ZFPM1: variants seen among roughly 807,000 people sequenced by gnomAD.
ZFPM1 encodes zinc finger protein, FOG family member 1.
Under a neutral mutation model 46.3 loss-of-function variants are expected in ZFPM1, and 28 were observed. The ratio of observed to expected loss-of-function variants is 0.60; its 90% CI spans 0.45 to 0.83. The LOEUF is 0.83. Among genes scored for constraint, ZFPM1 ranks in the 40% least tolerant of loss-of-function variants. The pLI is 0.00. For missense variants in ZFPM1, 1,878 were observed against 1,432.4 expected (o/e 1.31, Z -5.02); for synonymous variants, 957 against 675.9 (o/e 1.42, Z -6.45).
Position 88,533,739 on chromosome 16 carries a change from T to G in ZFPM1, c.1781T>G (p.Val594Gly), listed in dbSNP as rs938803039. The change falls in exon 10 of 10, where the codon GTG (valine) becomes GGG (glycine). Residue 594 changes from valine to glycine, a missense_variant. Val to Gly is a moderately radical substitution (Grantham distance 109, BLOSUM62 -3). Transcript: ENST00000319555. Reference protein sequence around the residue: ...ITFSNVNNYYVHKRLYCSGRR... With the variant: ...ITFSNVNNYYGHKRLYCSGRR... ...TTCAGCAACGTCAACAACTACTACGTGCACAAGCGCCTCTACTGTTCAGGC... is the reference window on the plus strand; with the variant it reads ...TTCAGCAACGTCAACAACTACTACGGGCACAAGCGCCTCTACTGTTCAGGC... 1 of 1,488,070 alleles carries G rather than the reference T, an allele frequency of 6.7e-7. No individual in the cohort carries two copies. Among genetic ancestry groups the G allele is most frequent in the Non-Finnish European group, 9.0e-7 (1 of 1,111,142 alleles). 92.2% of individuals were successfully genotyped at this position (1,488,070 alleles called of 1,614,324 possible). A position where few individuals can be genotyped will look rare whatever the true frequency, so the allele number is the denominator to read the frequency against.
chr16:88,494,894 C>T (rs1453537293), intron 3 of ZFPM1, among the ~76,000 whole-genome samples: 1 of 152,124 alleles, frequency 6.6e-6, no homozygotes, highest in Non-Finnish European at 1.5e-5. Flanking sequence ...AGCCCGGATG[C>T]GAAGGGAAGG....
At chr16:88,501,258 A>G (rs1328864129) in intron 3 of ZFPM1, among the ~76,000 whole-genome samples, 1 of 106,814 alleles carries the variant, frequency 9.4e-6, no homozygotes, top group Non-Finnish European at 1.8e-5. Context: ...GGTACTGGTG[A>G]TGATGGAGAT....
Position 88,533,445 on chromosome 16 carries a change from C to T in ZFPM1, c.1487C>T (p.Ala496Val). The part of the protein sequence containing the change: ...PSRTPSPRSP[A>V]PARVKAELSS... Reference sequence around the variant, plus strand: ...CGGACGCCGTCGCCGCGCAGCCCCGCCCCGGCCAGGGTCAAGGCCGAGCTG... The same window carrying T: ...CGGACGCCGTCGCCGCGCAGCCCCGTCCCGGCCAGGGTCAAGGCCGAGCTG... Residue 496 changes from alanine (A) to valine (V), a missense_variant, in exon 10 of 10, where the codon GCC becomes GTC. Ala to Val is a moderately conservative substitution (Grantham distance 64). Transcript: ENST00000319555. 2 of 1,446,672 alleles carry T rather than the reference C, an allele frequency of 1.4e-6. No homozygotes were observed. The highest frequency in any genetic ancestry group is 2.9e-5 in the East Asian group (1 of 34,352). 89.6% of individuals were successfully genotyped at this position (1,446,672 alleles called of 1,614,324 possible). A position where few individuals can be genotyped will look rare whatever the true frequency, so the allele number is the denominator to read the frequency against.
Position 88,497,127 on chromosome 16 carries a change from C to T in ZFPM1, c.268+7974C>T, listed in dbSNP as rs1909973949. Reference sequence around the variant, plus strand: ...ATCACACAAGTCGTGACTTTTCCATCCCCACTCCATCCTGGGCTCTGATGG... The same window carrying T: ...ATCACACAAGTCGTGACTTTTCCATTCCCACTCCATCCTGGGCTCTGATGG... On this transcript the variant is annotated intron_variant, in intron 3 of 9. Coordinates refer to ENST00000319555, the MANE Select transcript of ZFPM1 (RefSeq NM_153813.3). This position sits in a 1 kb window ranked among gnomAD's most constrained non-coding sequence, Gnocchi z 5.4. Among the ~76,000 whole-genome samples, 1 of 152,236 alleles carries T rather than the reference C, an allele frequency of 6.6e-6. No individual in the cohort carries two copies. The highest frequency in any genetic ancestry group is 6.5e-5 in the Admixed American group (1 of 15,292).
Position 88,535,037 on chromosome 16 carries a change from C to T in ZFPM1, c.*58C>T. 2.2e-6 allele frequency: 3 copies of T among 1,351,804 alleles called. No homozygotes were observed. The highest frequency in any genetic ancestry group is 9.6e-7 in the Non-Finnish European group (1 of 1,044,028). 83.7% of individuals were successfully genotyped at this position (1,351,804 alleles called of 1,614,324 possible). Reference sequence around the variant, plus strand: ...GCCCCGCTGCGATGCGGGGAGGGGGCCGCCCCCAGGCCGCACGGACTGCCG... The same window carrying T: ...GCCCCGCTGCGATGCGGGGAGGGGGTCGCCCCCAGGCCGCACGGACTGCCG... On this transcript the variant is annotated 3_prime_UTR_variant, in exon 10 of 10. Transcript: ENST00000319555.
intron 1 of ZFPM1, among the ~76,000 whole-genome samples, chr16:88,473,575 C>T (rs1908524885): frequency 6.6e-6 from 1 of 151,976 alleles, no homozygotes; most frequent in Non-Finnish European, 1.5e-5. Flanking sequence ...GGGACCCCTG[C>T]TCCCTTCCAG....
chr16:88,526,736 T>C (rs1351441535), intron 4 of ZFPM1, 78 bp from the exon 5 acceptor site: 24 of 1,461,402 alleles, frequency 1.6e-5, no homozygotes, highest in African/African-American at 4.2e-5. Context: ...GTGTCACAGA[T>C]GCCCCACATA....
At chr16:88,488,323 A>G (rs1251414374) in intron 2 of ZFPM1, among the ~76,000 whole-genome samples, 1 of 152,180 alleles carries the variant, frequency 6.6e-6, no homozygotes, top group African/African-American at 2.4e-5. Flanking sequence ...AGGAGCTGGA[A>G]AAAACAGCCA....
At position 88,471,019 on chromosome 16, in the gene ZFPM1, G is replaced by A. The variant is rs1055422665; in HGVS notation, c.41-14920G>A. Among the ~76,000 whole-genome samples the A allele has an allele frequency of 6.6e-6, 1 of 152,162 alleles. No individual in the cohort carries two copies. Among genetic ancestry groups the A allele is most frequent in the Non-Finnish European group, 1.5e-5 (1 of 68,020 alleles). On this transcript the variant is annotated intron_variant, in intron 1 of 9. Transcript: ENST00000319555. This position sits in a 1 kb window ranked among gnomAD's most constrained non-coding sequence, Gnocchi z 4.1. ...CCAGTACCTCACCCGGTGGGGTCCA[G>A]CCTCCGCGACAGGCATTCCCTTCCC...
chr16:88,500,926 G>A (rs941350298), intron 3 of ZFPM1, among the ~76,000 whole-genome samples: 7 of 152,242 alleles, frequency 4.6e-5, no homozygotes, highest in Non-Finnish European at 1.0e-4. Context: ...CAGGTACAGC[G>A]GGCCCTCCCT....
chr16:88,463,406 G>A (rs774297301), intron 1 of ZFPM1, among the ~76,000 whole-genome samples: 10 of 152,218 alleles, frequency 6.6e-5, no homozygotes, highest in Non-Finnish European at 1.0e-4. Flanking sequence ...TGGCCACAGG[G>A]CCCTCCCCCG....
intron 3 of ZFPM1, among the ~76,000 whole-genome samples, chr16:88,502,350 C>A (rs1910411596): frequency 2.0e-5 from 3 of 152,076 alleles, no homozygotes; most frequent in African/African-American, 7.2e-5. Context: ...CCGCCCTCTC[C>A]CGCCCTGCCC....
At chr16:88,460,271 C>A (rs1352169679) in intron 1 of ZFPM1, among the ~76,000 whole-genome samples, 1 of 152,190 alleles carries the variant, frequency 6.6e-6, no homozygotes, top group East Asian at 1.9e-4. Flanking sequence ...CCCCAGCCTA[C>A]TGTTGGCAGG....
chr16:88,463,932 A>T (rs1908011428), intron 1 of ZFPM1, among the ~76,000 whole-genome samples: 1 of 152,184 alleles, frequency 6.6e-6, no homozygotes, highest in African/African-American at 2.4e-5. Context: ...AAGAGATCAG[A>T]GCCACGGCTA....
At chr16:88,491,261 A>G (rs1909558029) in intron 3 of ZFPM1, among the ~76,000 whole-genome samples, 1 of 152,020 alleles carries the variant, frequency 6.6e-6, no homozygotes, top group Admixed American at 6.5e-5. Flanking sequence ...GGTAGCAGGG[A>G]GGGCGCCCAC....
At chr16:88,493,404 A>AAGCTGTCCCGGGGTGCGGGG (rs1284405391) in intron 3 of ZFPM1, among the ~76,000 whole-genome samples, 12 of 18,446 alleles carry the variant, frequency 6.5e-4, no homozygotes, top group African/African-American at 2.4e-3. Flanking sequence ...AGGGTGCAGG[A>AAGCTGTCCCGGGGTGCGGGG]AGCTGTCCCG....
intron 1 of ZFPM1, among the ~76,000 whole-genome samples, chr16:88,472,082 C>A (rs987426841): frequency 4.6e-5 from 7 of 152,228 alleles, no homozygotes; most frequent in African/African-American, 1.7e-4. Context: ...CTCCCACCAC[C>A]CATGGCCGCC....
intron 1 of ZFPM1, among the ~76,000 whole-genome samples, chr16:88,484,422 C>G (rs936121133): frequency 1.3e-5 from 2 of 152,244 alleles, no homozygotes; most frequent in Non-Finnish European, 2.9e-5. Flanking sequence ...GCCCCACCCC[C>G]ACTCTGCCCC....
intron 3 of ZFPM1, among the ~76,000 whole-genome samples, chr16:88,496,495 G>A (rs750237716): frequency 6.6e-6 from 1 of 152,050 alleles, no homozygotes; most frequent in Non-Finnish European, 1.5e-5. Context: ...GGCAAAGTGG[G>A]GCCTGGGAAG....
Sources: allele counts gnomAD v4.1 joint callset (sites outside exome capture counted in the v4.1 genomes callset), GRCh38; gene constraint gnomAD v4.1.1; non-coding constraint Gnocchi (gnomAD v3.1); transcripts MANE v1.5; gene names NCBI Gene and HGNC (gene_info 2026-07-23, HGNC 2026-07-21).